The following CNBD1 variants were observed in gnomAD, a reference collection of about 807,000 sequenced individuals.
CNBD1 encodes cyclic nucleotide binding domain containing 1.
In CNBD1, 71 loss-of-function variants were observed where a neutral mutation model predicts 54.4. The ratio of observed to expected loss-of-function variants is 1.30; its 90% CI spans 1.08 to 1.59. CNBD1 has a LOEUF of 1.59. Ranked by LOEUF, CNBD1 falls within the 40% of genes most tolerant of loss-of-function variation. The probability of loss-of-function intolerance (pLI) is 0.00; values close to 1 mark genes in which losing one functional copy is unlikely to be tolerated. For synonymous variants in CNBD1, 182 were observed against 170.7 expected (o/e 1.07, Z -0.51); for missense variants, 659 against 518.0 (o/e 1.27, Z -2.64).
intron 8 of CNBD1, among the ~76,000 whole-genome samples, chr8:87,330,634 T>C (rs2130909629): frequency 6.6e-6 from 1 of 152,284 alleles, no homozygotes; most frequent in Non-Finnish European, 1.5e-5. Context: ...TTAATTCCAT[T>C]CTATTCTGAG....
At chr8:87,270,652 A>G (rs1365695134) in intron 6 of CNBD1, among the ~76,000 whole-genome samples, 3 of 151,920 alleles carry the variant, frequency 2.0e-5, no homozygotes, top group African/African-American at 4.8e-5. Context: ...TATTTGCATT[A>G]ATGTTCATCA....
At position 86,885,279 on chromosome 8, in the gene CNBD1, T is replaced by C. The variant is rs895562555; in HGVS notation, c.89-2263T>C. 3.3e-5 allele frequency among the ~76,000 whole-genome samples: 5 copies of C among 152,222 alleles called. No homozygotes were observed. The East Asian group carries it at 9.6e-4, about 29-fold the overall frequency. ...ATCAATATAACATTCAAACAAAACA[T>C]TGGAATTTAGTTCTTCTATTCCAAT... On this transcript the variant is annotated intron_variant, in intron 1 of 10. Transcript: ENST00000518476.
chr8:87,394,251 C>T (rs889022017), intron 2 of CNBD1, among the ~76,000 whole-genome samples: 3 of 151,770 alleles, frequency 2.0e-5, no homozygotes, highest in South Asian at 2.1e-4. Context: ...CAATGCAAAG[C>T]GTTGCTAAAT....
chr8:87,113,873 C>T (rs1044221087), intron 4 of CNBD1, among the ~76,000 whole-genome samples: 15 of 151,126 alleles, frequency 9.9e-5, no homozygotes, highest in Admixed American at 2.6e-4. Flanking sequence ...GAGCCGAGAT[C>T]GCGCCACTGT....
At chr8:87,381,587 A>G (rs529039260) in intron 10 of CNBD1, among the ~76,000 whole-genome samples, 86 of 152,162 alleles carry the variant, frequency 5.7e-4, no homozygotes, top group African/African-American at 1.8e-3. Flanking sequence ...TGTTAATTGC[A>G]GCATTATGCA....
chr8:87,041,322 T>A (rs1249116703), intron 4 of CNBD1, among the ~76,000 whole-genome samples: 2 of 152,154 alleles, frequency 1.3e-5, no homozygotes, highest in East Asian at 3.9e-4. Flanking sequence ...ATGTGAGCAT[T>A]TGGGTGTAGG....
At chr8:87,004,542 TAA>T (rs756660574) in intron 4 of CNBD1, among the ~76,000 whole-genome samples, 35 of 142,162 alleles carry the variant, frequency 2.5e-4, no homozygotes, top group African/African-American at 8.7e-4. Flanking sequence ...AGTATTTATC[TAA>T]AAAAAAAAAA....
At chr8:86,935,153 A>T (rs1429158641) in intron 3 of CNBD1, among the ~76,000 whole-genome samples, 1 of 152,094 alleles carries the variant, frequency 6.6e-6, no homozygotes, top group Non-Finnish European at 1.5e-5. Flanking sequence ...CACCTGCCTC[A>T]GTGTCCCGAG....
intron 8 of CNBD1, among the ~76,000 whole-genome samples, chr8:87,337,771 T>G (rs1054502992): frequency 6.6e-6 from 1 of 152,206 alleles, no homozygotes; most frequent in African/African-American, 2.4e-5. Flanking sequence ...GTGTTCTTTC[T>G]TCCTCTTCGT....
intron 6 of CNBD1, among the ~76,000 whole-genome samples, chr8:87,244,493 T>C (rs1264395675): frequency 2.0e-5 from 3 of 152,148 alleles, no homozygotes; most frequent in African/African-American, 7.2e-5. Context: ...GTCTATCTCC[T>C]GAGTATAATA....
chr8:86,969,920 A>C (rs182719334), intron 4 of CNBD1, among the ~76,000 whole-genome samples: 195 of 151,954 alleles, frequency 1.3e-3, no homozygotes, highest in Non-Finnish European at 2.4e-3. Context: ...TCCTATTTTT[A>C]AACTTGCATT....
chr8:87,296,788 T>C (rs1189687667), intron 8 of CNBD1, among the ~76,000 whole-genome samples: 1 of 152,046 alleles, frequency 6.6e-6, no homozygotes, highest in African/African-American at 2.4e-5. Context: ...GGTGTAATAA[T>C]ATATGGTTTG....
chr8:87,290,622 AC>A, intron 8 of CNBD1, among the ~76,000 whole-genome samples: 1 of 152,130 alleles, frequency 6.6e-6, no homozygotes, highest in East Asian at 1.9e-4. Context: ...AGCCTGAAGA[AC>A]TTTTTTTAGT....
chr8:87,175,800 T>C (rs1813184979), intron 4 of CNBD1, among the ~76,000 whole-genome samples: 1 of 152,218 alleles, frequency 6.6e-6, no homozygotes, highest in African/African-American at 2.4e-5. Context: ...ATTGGAATTT[T>C]AGTCCTTGTG....
chr8:87,109,881 T>G (rs547604486), intron 4 of CNBD1, among the ~76,000 whole-genome samples: 1 of 152,246 alleles, frequency 6.6e-6, no homozygotes, highest in South Asian at 2.1e-4. Flanking sequence ...TACATAGGCT[T>G]GAAGATAATT....
intron 4 of CNBD1, among the ~76,000 whole-genome samples, chr8:87,046,676 C>T (rs1457683896): frequency 6.6e-6 from 1 of 152,142 alleles, no homozygotes; most frequent in Non-Finnish European, 1.5e-5. Context: ...CTAATGGGAG[C>T]ATCTTTGATA....
intron 5 of CNBD1, among the ~76,000 whole-genome samples, chr8:87,220,867 G>A (rs577288721): frequency 6.9e-5 from 2 of 29,058 alleles, no homozygotes; most frequent in South Asian, 4.2e-4. Flanking sequence ...TTAATATCTC[G>A]ATAGTTGTCT....
chr8:87,380,960 A>C (rs1811060918), intron 10 of CNBD1, among the ~76,000 whole-genome samples: 1 of 152,018 alleles, frequency 6.6e-6, no homozygotes, highest in Non-Finnish European at 1.5e-5. Flanking sequence ...TACGTAGTTA[A>C]AAATATTTTC....
chr8:87,066,984 C>T (rs1314226255), intron 4 of CNBD1, among the ~76,000 whole-genome samples: 1 of 151,784 alleles, frequency 6.6e-6, no homozygotes, highest in African/African-American at 2.4e-5. Context: ...AAGATATGTT[C>T]CTGATCTAAA....
Sources: allele counts gnomAD v4.1 joint callset (sites outside exome capture counted in the v4.1 genomes callset), GRCh38; gene constraint gnomAD v4.1.1; transcripts MANE v1.5; gene names NCBI Gene and HGNC (gene_info 2026-07-23, HGNC 2026-07-21).